The following ARVCF variants were observed in gnomAD, a reference collection of about 807,000 sequenced individuals.
ARVCF encodes the protein splicing regulator ARVCF.
ARVCF carries 66 observed loss-of-function variants against 90.9 expected under a neutral mutation model. The observed-to-expected ratio is 0.73, with a 90% confidence interval of 0.60 to 0.89. ARVCF has a LOEUF of 0.89. Among genes scored for constraint, ARVCF ranks in the 40% least tolerant of loss-of-function variants. The pLI is 0.00. For synonymous variants in ARVCF, 653 were observed against 603.4 expected (o/e 1.08, Z -1.21); for missense variants, 1,469 against 1,382.3 (o/e 1.06, Z -1.00).
chr22:19,988,175 T>C (rs1943890394), intron 3 of ARVCF, among the ~76,000 whole-genome samples: 1 of 152,050 alleles, frequency 6.6e-6, no homozygotes, highest in Non-Finnish European at 1.5e-5. Flanking sequence ...GAGCGCCATA[T>C]ACAGAGGCCA....
At chr22:19,965,640 G>GT (rs1942351322), downstream of ARVCF, 1 of 152,354 alleles carries the variant, frequency 6.6e-6, no homozygotes, top group African/African-American at 2.4e-5. Flanking sequence ...GCGTCCGGCC[G>GT]TATTCCAGCT....
chr22:19,984,414 A>G (rs1943658274), intron 3 of ARVCF, among the ~76,000 whole-genome samples: 1 of 152,136 alleles, frequency 6.6e-6, no homozygotes, highest in African/African-American at 2.4e-5. Flanking sequence ...GCCCCGGCCT[A>G]GCAGCCCCGC....
chr22:19,975,091 G>A (rs979105863), intron 11 of ARVCF, among the ~76,000 whole-genome samples: 7 of 152,104 alleles, frequency 4.6e-5, no homozygotes, highest in East Asian at 1.9e-4. Context: ...CACACTCCCC[G>A]CTGGGGTATC....
At chr22:20,014,247 T>A (rs1253023463) in intron 1 of ARVCF, among the ~76,000 whole-genome samples, 1 of 151,874 alleles carries the variant, frequency 6.6e-6, no homozygotes, top group African/African-American at 2.4e-5. Flanking sequence ...CAGGCTGGAG[T>A]GCAGTGGTGT....
At chr22:19,971,384 G>C in intron 18 of ARVCF, 49 bp from the exon 19 acceptor site, 1 of 1,521,294 alleles carries the variant, frequency 6.6e-7, no homozygotes, top group African/African-American at 1.4e-5. Context: ...AGGTTAGTTA[G>C]AGCTCCTGGG....
intron 2 of ARVCF, among the ~76,000 whole-genome samples, chr22:20,008,662 C>T (rs1357253256): frequency 8.5e-5 from 13 of 152,194 alleles, no homozygotes; most frequent in South Asian, 2.1e-4. Flanking sequence ...AGCTGCCTCC[C>T]GCTGTGGACA....
Position 19,990,719 on chromosome 22 carries a change from G to T in ARVCF, c.76C>A (p.Leu26Met). The T allele has an allele frequency of 1.9e-6, 3 of 1,593,796 alleles. No homozygotes were observed. Among genetic ancestry groups the T allele is most frequent in the Non-Finnish European group, 2.6e-6 (3 of 1,169,918 alleles). Residue 26 changes from leucine (L) to methionine (M), a missense_variant, in exon 3 of 20, where the codon CTG (leucine) becomes ATG (methionine). Physicochemically the swap from Leu to Met is conservative, Grantham distance 15. Coordinates refer to ENST00000263207, the MANE Select transcript of ARVCF (RefSeq NM_001670.3). ...VKEQEARFER[L>M]TRALEQERRH... is the part of the protein sequence containing the mutation. Reference sequence around the variant, plus strand: ...CGCTCCTGCTCCAGTGCCCGTGTCAGCCTCTCGAAGCGGGCCTCCTGCTCC... The same window carrying T: ...CGCTCCTGCTCCAGTGCCCGTGTCATCCTCTCGAAGCGGGCCTCCTGCTCC...
chr22:19,987,948 G>A (rs1473987926), intron 3 of ARVCF, among the ~76,000 whole-genome samples: 24 of 152,162 alleles, frequency 1.6e-4, no homozygotes, highest in Admixed American at 1.6e-3. Context: ...GAAGGGCCAG[G>A]CTGGAGCCAC....
downstream of ARVCF, chr22:19,968,746 C>A (rs76902350): frequency 4.4e-6 from 7 of 1,608,174 alleles, no homozygotes; most frequent in East Asian, 6.7e-5. Context: ...ACTGCCCCCC[C>A]GGCCCCCCTC....
rs765817985 is a variant in ARVCF, at chr22:19,973,159, C to G, written c.2398G>C (p.Ala800Pro). Residue 800 changes from alanine (A) to proline (P), a missense_variant, in exon 14 of 20, where the codon GCA becomes CCA. Transcript: ENST00000263207. Reference protein sequence around the residue: ...SLDNARSLLQARGVPALVALV... With the variant: ...SLDNARSLLQPRGVPALVALV... ...GCCACCAACGCTGGCACCCCGCGTGCCTGCAGGAGCGAGCGCGCGTTATCC... is the reference window on the plus strand; with the variant it reads ...GCCACCAACGCTGGCACCCCGCGTGGCTGCAGGAGCGAGCGCGCGTTATCC... The G allele has an allele frequency of 1.2e-6, 2 of 1,608,366 alleles. No homozygotes were observed. Among genetic ancestry groups the G allele is most frequent in the African/African-American group, 1.3e-5 (1 of 74,612 alleles).
chr22:20,003,081 C>T (rs1333005203), intron 2 of ARVCF, among the ~76,000 whole-genome samples: 2 of 152,078 alleles, frequency 1.3e-5, no homozygotes, highest in Non-Finnish European at 2.9e-5. Flanking sequence ...AAGATGGTAA[C>T]AGACTACCAT....
chr22:19,975,646 A>G (rs1943109062), intron 11 of ARVCF, 40 bp downstream of exon 11: 1 of 1,610,528 alleles, frequency 6.2e-7, no homozygotes, highest in Non-Finnish European at 8.5e-7. Flanking sequence ...CTGAGCCCAG[A>G]CATCCCCCAG....
chr22:19,993,724 T>C (rs1237023944), intron 2 of ARVCF, among the ~76,000 whole-genome samples: 1 of 152,236 alleles, frequency 6.6e-6, no homozygotes, highest in Non-Finnish European at 1.5e-5. Flanking sequence ...GGAATGACAT[T>C]GCACAGCCCA....
At chr22:20,006,471 T>C (rs1382526027) in intron 2 of ARVCF, among the ~76,000 whole-genome samples, 4 of 150,576 alleles carry the variant, frequency 2.7e-5, no homozygotes, top group East Asian at 2.0e-4. Context: ...TCCAGCTACT[T>C]GGGAGGCTGA....
At chr22:20,009,030 G>A (rs557808275) in intron 2 of ARVCF, among the ~76,000 whole-genome samples, 4 of 152,286 alleles carry the variant, frequency 2.6e-5, no homozygotes, top group African/African-American at 7.2e-5. Context: ...ACCCTCCTGC[G>A]GACCCTGTTA....
In ARVCF at chr22:19,973,024, G is replaced by A. The variant is rs1324327659; in HGVS notation, c.2451C>T (p.Arg817=). 1.2e-6 allele frequency: 2 copies of A among 1,613,026 alleles called. No homozygotes were observed. Among genetic ancestry groups the A allele is most frequent in the African/African-American group, 1.3e-5 (1 of 74,908 alleles). The change falls in exon 15 of 20, where the codon CGC becomes CGT. Residue 817 remains arginine, a synonymous_variant. Transcript: ENST00000263207. The part of the protein sequence containing the change: ...VALVASSQSV[R]EAKAASHVLQ... ...GCACGTGTGACGCCGCCTTCGCTTC[G>A]CGTACCGATTGGCTGTGGGGCCGGG...
In ARVCF at chr22:20,006,344, A is replaced by G. The variant is rs539873041; in HGVS notation, c.-19+4111T>C. Among the ~76,000 whole-genome samples, 22 of 151,714 alleles carry G rather than the reference A, an allele frequency of 1.5e-4. 1 individual carries two copies. In the South Asian group the frequency reaches 4.4e-3, roughly 30 times the overall value. On this transcript the variant is annotated intron_variant, in intron 2 of 19. Coordinates refer to ENST00000263207, the MANE Select transcript of ARVCF (RefSeq NM_001670.3). ...TGTAATCTCAGCACTTTGGGAGGCC[A>G]AGGCGGGCGGATCACGAGGTCAGGA... is the stretch of plus-strand genomic sequence containing the variant.
At chr22:19,985,626 T>C (rs1006369907) in intron 3 of ARVCF, among the ~76,000 whole-genome samples, 11 of 152,216 alleles carry the variant, frequency 7.2e-5, no homozygotes, top group African/African-American at 2.4e-4. Context: ...AAAAGCAAGA[T>C]TGGACCAACA....
Position 19,977,519 on chromosome 22 carries a change from G to T in ARVCF, c.1766C>A (p.Ala589Asp). 1 of 1,597,594 alleles carries T rather than the reference G, an allele frequency of 6.3e-7. No individual in the cohort carries two copies. Among genetic ancestry groups the T allele is most frequent in the South Asian group, 1.1e-5 (1 of 89,940 alleles). The part of the protein sequence containing the change: ...SYHVHKEVPG[A>D]DRYQEAEPGP... ...GGGCTCGGCCTCCTGGTACCTGTCG[G>T]CCCCGGGCACCTCCTTGTGCACGTG... The change falls in exon 9 of 20, where the codon GCC becomes GAC. Residue 589 changes from alanine (A) to aspartate (D), a missense_variant. By Grantham distance (126) the Ala-to-Asp change is moderately radical (BLOSUM62 -2). Transcript: ENST00000263207.
Sources: allele counts gnomAD v4.1 joint callset (sites outside exome capture counted in the v4.1 genomes callset), GRCh38; gene constraint gnomAD v4.1.1; transcripts MANE v1.5; gene names NCBI Gene and HGNC (gene_info 2026-07-23, HGNC 2026-07-21).